The following TNFAIP8 variants were observed in gnomAD, a reference collection of about 807,000 sequenced individuals.
The protein encoded by TNFAIP8 is TNF alpha induced protein 8.
Under a neutral mutation model 13.3 loss-of-function variants are expected in TNFAIP8, and 7 were observed. The ratio of observed to expected loss-of-function variants is 0.52; its 90% CI spans 0.30 to 0.99. The LOEUF is 0.99. Ranked by LOEUF, TNFAIP8 falls within the 50% of genes least tolerant of loss-of-function variation. TNFAIP8 has a pLI of 0.07. For synonymous variants in TNFAIP8, 94 were observed against 87.6 expected, an observed-to-expected ratio of 1.07 and a Z score of -0.41; for missense variants, 258 against 236.9, an observed-to-expected ratio of 1.09 and a Z score of -0.58.
intron 1 of TNFAIP8, among the ~76,000 whole-genome samples, chr5:119,287,493 C>G (rs1748842035): frequency 6.6e-6 from 1 of 151,944 alleles, no homozygotes; most frequent in South Asian, 2.1e-4. Context: ...TAGTAAATTT[C>G]AAGTAAACAA....
chr5:119,282,969 C>T (rs573008939), intron 1 of TNFAIP8, among the ~76,000 whole-genome samples: 2 of 152,196 alleles, frequency 1.3e-5, no homozygotes, highest in Non-Finnish European at 2.9e-5. Flanking sequence ...GGCATTTGTG[C>T]GAGTTTGGCC....
chr5:119,291,193 T>C lies in TNFAIP8; in HGVS notation c.1+22286T>C, dbSNP rs77413691. On this transcript the variant is annotated intron_variant, in intron 1 of 1. Coordinates refer to the TNFAIP8 transcript ENST00000274456. ...TGTACTATTTAACTTTTCGTGTATT[T>C]ATCTTGTTATCACAAGTAGATAGCA... 6.7e-3 allele frequency among the ~76,000 whole-genome samples: 1,025 copies of C among 152,370 alleles called. 17 individuals carry two copies. The East Asian group carries it at 0.074, about 11-fold the overall frequency.
intron 1 of TNFAIP8, among the ~76,000 whole-genome samples, chr5:119,301,115 C>CT (rs1350819479): frequency 3.9e-5 from 6 of 152,216 alleles, no homozygotes; most frequent in African/African-American, 1.4e-4. Flanking sequence ...CATTCCTGGA[C>CT]TTGCCACCCA....
chr5:119,281,318 T>TCTCTCTCA (rs1297096228), intron 1 of TNFAIP8, among the ~76,000 whole-genome samples: 89 of 20,774 alleles, frequency 4.3e-3, no homozygotes, highest in Middle Eastern at 0.021. Flanking sequence ...TCTCTCTCTC[T>TCTCTCTCA]CACACTTACA....
chr5:119,331,699 G>T (rs1750385166), intron 1 of TNFAIP8, among the ~76,000 whole-genome samples: 1 of 152,208 alleles, frequency 6.6e-6, no homozygotes, highest in Admixed American at 6.5e-5. Context: ...TAGGACTGCA[G>T]GATTCTTCCT....
rs935414452 is a variant in TNFAIP8 at position 119,398,762 on chromosome 5, C to T, written c.*5381C>T. The T allele has an allele frequency of 1.3e-5, 2 of 151,790 alleles. No homozygotes were observed. Among genetic ancestry groups the T allele is most frequent in the African/African-American group, 2.4e-5 (1 of 41,312 alleles). 9.4% of individuals were successfully genotyped at this position (151,790 alleles called of 1,614,324 possible). A position where few individuals can be genotyped will look rare whatever the true frequency, so the allele number is the denominator to read the frequency against. ...CCTGATGTGAAGTTGAAACACAAGA[C>T]GCGGAAATAAAAACTCAGAGTATAA... On this transcript the variant is annotated 3_prime_UTR_variant, in exon 2 of 2. Transcript: ENST00000504771.
chr5:119,335,638 TC>T (rs1249608426), intron 1 of TNFAIP8, among the ~76,000 whole-genome samples: 1 of 152,032 alleles, frequency 6.6e-6, no homozygotes, highest in Admixed American at 6.6e-5. Flanking sequence ...TGCCCTCCCT[TC>T]CAGCCATCCA....
Position 119,398,040 on chromosome 5 carries a change from GA to G in TNFAIP8, c.*4660del, listed in dbSNP as rs1161850096. The G allele has an allele frequency of 1.3e-5, 2 of 152,174 alleles. No homozygotes were observed. The highest frequency in any genetic ancestry group is 4.8e-5 in the African/African-American group (2 of 41,434). The allele number at this position is 152,174 out of a possible 1,614,324, so 9.4% of individuals were successfully genotyped here. ...CAAGTCAGTCAGCATTCACAATTAA[GA>G]GAAAAACATCTGTGCTTTGGAAAAT... is the stretch of plus-strand genomic sequence containing the variant. On this transcript the variant is annotated 3_prime_UTR_variant, in exon 2 of 2. Transcript: ENST00000504771.
intron 1 of TNFAIP8, chr5:119,306,677 A>C (rs950506807): frequency 6.6e-6 from 1 of 152,134 alleles, no homozygotes. Context: ...AATGAATAAA[A>C]AATTTTCCTA....
At chr5:119,323,356 A>G (rs1562000391) in intron 1 of TNFAIP8, among the ~76,000 whole-genome samples, 1 of 152,168 alleles carries the variant, frequency 6.6e-6, no homozygotes, top group Non-Finnish European at 1.5e-5. Flanking sequence ...TTTCTCGGAA[A>G]TATCTGCCTC....
At chr5:119,356,663 G>A (rs1294554314) in intron 1 of TNFAIP8, among the ~76,000 whole-genome samples, 1 of 151,896 alleles carries the variant, frequency 6.6e-6, no homozygotes, top group East Asian at 1.9e-4. Flanking sequence ...GGGGTTTGAG[G>A]GGGCTGAAAG....
Position 119,393,479 on chromosome 5 carries a change from T to A in TNFAIP8, c.*98T>A, listed in dbSNP as rs1718696785. Reference sequence around the variant, plus strand: ...AGAAGAATTTTCTAAAGATTACACATATTTCAGAAAGACTTTACCCAATTC... The same window carrying A: ...AGAAGAATTTTCTAAAGATTACACAAATTTCAGAAAGACTTTACCCAATTC... On this transcript the variant is annotated 3_prime_UTR_variant, in exon 2 of 2. Coordinates refer to ENST00000504771, the MANE Select transcript of TNFAIP8 (RefSeq NM_014350.4). 1 of 1,146,760 alleles carries A rather than the reference T, an allele frequency of 8.7e-7. No individual in the cohort carries two copies. Among genetic ancestry groups the A allele is most frequent in the African/African-American group, 1.5e-5 (1 of 64,696 alleles). 71.0% of individuals were successfully genotyped at this position (1,146,760 alleles called of 1,614,324 possible). A position where few individuals can be genotyped will look rare whatever the true frequency, so the allele number is the denominator to read the frequency against.
intron 1 of TNFAIP8, among the ~76,000 whole-genome samples, chr5:119,347,008 G>A (rs1750923082): frequency 3.3e-5 from 5 of 152,228 alleles, no homozygotes; most frequent in African/African-American, 4.8e-5. Context: ...TACCAGGTTG[G>A]AGGCTGATAT....
At chr5:119,300,125 G>A (rs1749338494) in intron 1 of TNFAIP8, among the ~76,000 whole-genome samples, 1 of 152,200 alleles carries the variant, frequency 6.6e-6, no homozygotes, top group African/African-American at 2.4e-5. Flanking sequence ...ACTGTCCTGT[G>A]CCCACTATCT....
chr5:119,376,751 A>G (rs1752298028), intron 1 of TNFAIP8, among the ~76,000 whole-genome samples: 1 of 152,194 alleles, frequency 6.6e-6, no homozygotes. Flanking sequence ...AGTTAGAGAC[A>G]GGATAGAGCA....
intron 1 of TNFAIP8, among the ~76,000 whole-genome samples, chr5:119,348,899 A>C (rs1343025894): frequency 1.4e-5 from 2 of 147,258 alleles, no homozygotes; most frequent in Admixed American, 1.3e-4. Context: ...AAAAAAAAAA[A>C]AAAAAAAAGA....
At chr5:119,362,153 G>A (rs527489511) in intron 1 of TNFAIP8, among the ~76,000 whole-genome samples, 2 of 152,306 alleles carry the variant, frequency 1.3e-5, no homozygotes, top group South Asian at 4.1e-4. Flanking sequence ...ATGATGGACA[G>A]AAGTGACTTC....
intron 1 of TNFAIP8, among the ~76,000 whole-genome samples, chr5:119,279,086 T>C (rs11744827): frequency 0.33 from 49,656 of 152,068 alleles, 9,408 homozygotes; most frequent in African/African-American, 0.52. Flanking sequence ...GGCACTGTGC[T>C]GAGTGCTTTA....
intron 1 of TNFAIP8, among the ~76,000 whole-genome samples, chr5:119,298,315 C>A (rs2112645587): frequency 6.6e-6 from 1 of 152,116 alleles, no homozygotes; most frequent in Middle Eastern, 3.4e-3. Flanking sequence ...GTGACAAAAT[C>A]TCTCAGCATT....
Sources: gnomAD v4.1 joint callset for allele counts (sites outside exome capture counted in the v4.1 genomes callset) on GRCh38, gnomAD v4.1.1 for gene constraint, MANE v1.5 for transcripts, NCBI Gene and HGNC (gene_info 2026-07-23, HGNC 2026-07-21) for gene names.